Variants in TTLL11 observed in about 807,000 individuals in gnomAD.
TTLL11 encodes tubulin polyglutamylase TTLL11.
TTLL11 carries 42 observed loss-of-function variants against 51.7 expected under a neutral mutation model. That is an observed-to-expected ratio of 0.81 (90% CI 0.64 to 1.05). The LOEUF (loss-of-function observed/expected upper bound fraction) is 1.05. TTLL11 is among the 50% of genes least tolerant of loss of function. The pLI, the probability that TTLL11 is intolerant of heterozygous loss-of-function variation, is 0.00. For synonymous variants in TTLL11, 381 were observed against 383.5 expected (o/e 0.99, Z 0.08); for missense variants, 799 against 940.4 (o/e 0.85, Z 1.97).
chr9:121,877,760 C>T (rs780085225), intron 6 of TTLL11, among the ~76,000 whole-genome samples: 6 of 152,150 alleles, frequency 3.9e-5, no homozygotes, highest in Non-Finnish European at 7.3e-5. Context: ...ATATGATCCC[C>T]ATTTTACAGA....
At chr9:122,015,659 C>T (rs576528177) in intron 3 of TTLL11, among the ~76,000 whole-genome samples, 12 of 151,952 alleles carry the variant, frequency 7.9e-5, no homozygotes, top group Admixed American at 2.6e-4. Context: ...TGGCTGGTGG[C>T]CACCTGGCGC....
At chr9:122,058,102 G>A (rs1279627715) in intron 1 of TTLL11, among the ~76,000 whole-genome samples, 1 of 152,238 alleles carries the variant, frequency 6.6e-6, no homozygotes, top group Non-Finnish European at 1.5e-5. Flanking sequence ...AAATGTCAAA[G>A]GTGAGGTAGA....
chr9:121,832,085 T>C (rs1327092903), intron 8 of TTLL11, among the ~76,000 whole-genome samples: 1 of 152,208 alleles, frequency 6.6e-6, no homozygotes, highest in East Asian at 1.9e-4. Flanking sequence ...CCCACCCTTA[T>C]GACCTCATTT....
intron 6 of TTLL11, among the ~76,000 whole-genome samples, chr9:121,889,729 G>A (rs1458491608): frequency 3.3e-5 from 5 of 152,142 alleles, no homozygotes; most frequent in South Asian, 2.1e-4. Context: ...GTGAAACCCC[G>A]TCTCTACTAA....
chr9:121,870,043 A>G (rs1838303675), intron 7 of TTLL11, among the ~76,000 whole-genome samples: 1 of 152,226 alleles, frequency 6.6e-6, no homozygotes, highest in Admixed American at 6.5e-5. Context: ...GAACAAATGT[A>G]TTAAAATATT....
chr9:121,953,627 C>T (rs557953619), intron 6 of TTLL11, among the ~76,000 whole-genome samples: 1 of 107,190 alleles, frequency 9.3e-6, no homozygotes, highest in Non-Finnish European at 1.9e-5. Context: ...AGCAAGATGC[C>T]GCCTCAAAAA....
At chr9:121,877,584 C>G (rs1184106291) in intron 6 of TTLL11, among the ~76,000 whole-genome samples, 1 of 152,196 alleles carries the variant, frequency 6.6e-6, no homozygotes, top group Non-Finnish European at 1.5e-5. Context: ...GCCACTTCCA[C>G]CTGGCTTGAT....
At chr9:121,827,550 A>G (rs1213829862) in intron 8 of TTLL11, among the ~76,000 whole-genome samples, 1 of 152,164 alleles carries the variant, frequency 6.6e-6, no homozygotes, top group Admixed American at 6.5e-5. Flanking sequence ...TTCTCTGGCC[A>G]TGGGCTGTCT....
At chr9:121,893,610 C>A (rs778080989) in intron 6 of TTLL11, among the ~76,000 whole-genome samples, 5 of 152,170 alleles carry the variant, frequency 3.3e-5, no homozygotes, top group Non-Finnish European at 5.9e-5. Flanking sequence ...TGCGATGTTC[C>A]TTCCCACTTA....
chr9:121,936,648 C>T (rs536580469), intron 6 of TTLL11, among the ~76,000 whole-genome samples: 18 of 152,180 alleles, frequency 1.2e-4, no homozygotes, highest in South Asian at 2.1e-4. Context: ...CTTGCCAGAG[C>T]AGGCTCGTGC....
At position 121,848,529 on chromosome 9, in the gene TTLL11, G is replaced by A. The variant is rs374642659; in HGVS notation, c.1840+11808C>T. 2.6e-5 allele frequency among the ~76,000 whole-genome samples: 4 copies of A among 152,272 alleles called. No individual in the cohort carries two copies. In the East Asian group the frequency reaches 7.7e-4, roughly 29 times the overall value. ...TGAATTGACAAAGAAACCTCCTGAA[G>A]TAACAAATGACTATAGTATGTTTGA... On this transcript the variant is annotated intron_variant, in intron 8 of 8. Coordinates refer to ENST00000321582, the MANE Select transcript of TTLL11 (RefSeq NM_001139442.2).
chr9:121,984,349 A>G (rs1009304338), intron 4 of TTLL11, among the ~76,000 whole-genome samples: 1 of 152,362 alleles, frequency 6.6e-6, no homozygotes, highest in South Asian at 2.1e-4. Context: ...TGGAATAAAC[A>G]TAAAAACTGT....
rs1317311317 is a variant in TTLL11, at chr9:121,815,728, G to A, written c.*6859C>T. On this transcript the variant is annotated 3_prime_UTR_variant, in exon 9 of 9. Coordinates refer to ENST00000321582, the MANE Select transcript of TTLL11 (RefSeq NM_001139442.2). ...ACACTCAGCTTCGTTTTATTATTGCGTTTTATGAAGTTGCCAAGACAACTG... is the reference window on the plus strand; with the variant it reads ...ACACTCAGCTTCGTTTTATTATTGCATTTTATGAAGTTGCCAAGACAACTG... 2.0e-5 allele frequency: 3 copies of A among 152,166 alleles called. No individual in the cohort carries two copies. The highest frequency in any genetic ancestry group is 2.9e-5 in the Non-Finnish European group (2 of 68,040). The allele number at this position is 152,166 out of a possible 1,614,324, so 9.4% of individuals were successfully genotyped here.
At chr9:121,860,739 T>C (rs1392340537) in intron 7 of TTLL11, among the ~76,000 whole-genome samples, 2 of 152,184 alleles carry the variant, frequency 1.3e-5, no homozygotes, top group African/African-American at 4.8e-5. Flanking sequence ...AAACCAGGAA[T>C]TGGGTCCTCA....
At chr9:122,053,341 G>A (rs562448946) in intron 1 of TTLL11, among the ~76,000 whole-genome samples, 2 of 152,300 alleles carry the variant, frequency 1.3e-5, no homozygotes, top group South Asian at 4.1e-4. Context: ...CTTCGCAAAG[G>A]AAGAGACGAA....
rs932504482 is a variant in TTLL11, at chr9:122,006,999, A to C, written c.694-17229T>G. On this transcript the variant is annotated intron_variant, in intron 3 of 8. Transcript: ENST00000321582. ...ACTCTGTCAAAAAAAAAAAAAAAAA[A>C]AAAAAAAAAACTTTTCCTTATTTTT... Among the ~76,000 whole-genome samples, 27 of 147,386 alleles carry C rather than the reference A, an allele frequency of 1.8e-4. 1 individual carries two copies. In the South Asian group the frequency reaches 4.2e-3, roughly 23 times the overall value.
intron 6 of TTLL11, among the ~76,000 whole-genome samples, chr9:121,904,166 G>T (rs1164104538): frequency 2.6e-5 from 4 of 151,970 alleles, no homozygotes; most frequent in East Asian, 1.9e-4. Context: ...CAACTGTGTG[G>T]CTTTGATACA....
At chr9:122,044,636 A>G (rs1341675079) in intron 1 of TTLL11, among the ~76,000 whole-genome samples, 1 of 152,088 alleles carries the variant, frequency 6.6e-6, no homozygotes, top group African/African-American at 2.4e-5. Flanking sequence ...ATATTTTTAA[A>G]CTCCTACAAC....
Position 121,870,699 on chromosome 9 carries a change from C to T in TTLL11, c.1531G>A (p.Gly511Ser), listed in dbSNP as rs942866655. The T allele has an allele frequency of 1.4e-5, 21 of 1,551,004 alleles. No homozygotes were observed. The highest frequency in any genetic ancestry group is 4.8e-5 in the South Asian group (4 of 84,022). The change falls in exon 7 of 9, where the codon GGC becomes AGC. Residue 511 changes from glycine (G) to serine (S), a missense_variant. Gly to Ser is a moderately conservative substitution (Grantham distance 56). Around this residue, in one of 3 missense-constraint regions of TTLL11, gnomAD observed 468 missense variants for 612.8 expected, o/e 0.76. Coordinates refer to ENST00000321582, the MANE Select transcript of TTLL11 (RefSeq NM_001139442.2). Reference sequence around the variant, plus strand: ...CAGTCTGGAGCACTGGTCAGCTCGCCGTCCAAAGCATCTTCCTTTCCAGCG... The same window carrying T: ...CAGTCTGGAGCACTGGTCAGCTCGCTGTCCAAAGCATCTTCCTTTCCAGCG... ...PFAGKEDALDGELTSAPDCNA... is the reference protein window; with the variant it reads ...PFAGKEDALDSELTSAPDCNA...
Sources: allele counts gnomAD v4.1 joint callset (sites outside exome capture counted in the v4.1 genomes callset), GRCh38; gene constraint gnomAD v4.1.1; regional missense constraint gnomAD v4.1.1; transcripts MANE v1.5; gene names NCBI Gene and HGNC (gene_info 2026-07-23, HGNC 2026-07-21).